Variants in WEE1 observed in about 807,000 individuals in gnomAD.
WEE1 encodes WEE1 G2 checkpoint kinase, also known as wee1-like protein kinase.
Under a neutral mutation model 68.8 loss-of-function variants are expected in WEE1, and 16 were observed. The ratio of observed to expected loss-of-function variants is 0.23; its 90% CI spans 0.16 to 0.35. The LOEUF (loss-of-function observed/expected upper bound fraction) is 0.35, where lower values mean the gene tolerates loss of function less well. Ranked by LOEUF, WEE1 falls within the 10% of genes least tolerant of loss-of-function variation. The pLI is 1.00. For missense variants in WEE1, 651 were observed against 824.1 expected (o/e 0.79, Z 2.57); for synonymous variants, 349 against 318.7 (o/e 1.09, Z -1.01).
At position 9,588,437 on chromosome 11, in the gene WEE1, T is replaced by A. The variant is rs1849726195; in HGVS notation, c.1788-12T>A. ...CCTAGGAATAATACCTTGTTTTCTA[T>A]TTTTATGTCAGAGAACTCAAGAAAG... On this transcript the variant is annotated splice_polypyrimidine_tract_variant and intron_variant, in intron 10 of 10. Transcript: ENST00000450114. 2 of 1,556,652 alleles carry A rather than the reference T, an allele frequency of 1.3e-6. No individual in the cohort carries two copies. The highest frequency in any genetic ancestry group is 2.5e-5 in the South Asian group (2 of 81,534).
In WEE1 at chr11:9,576,379, C is replaced by T. The variant is rs1441259976; in HGVS notation, c.846+86C>T. The stretch of plus-strand genomic sequence containing the variant: ...ATGAATATGTTAATAAGCATTAACA[C>T]ATAAGGTAGAATGGTTTTTAAATTT... On this transcript the variant is annotated intron_variant, in intron 3 of 10. Transcript: ENST00000450114. This position sits in a 1 kb window ranked among gnomAD's most constrained non-coding sequence, Gnocchi z 4.3. 4 of 1,543,068 alleles carry T rather than the reference C, an allele frequency of 2.6e-6. No homozygotes were observed. In the East Asian group the frequency reaches 9.3e-5, roughly 36 times the overall value.
rs1849538951 is a variant in WEE1 at position 9,574,283 on chromosome 11, A to G, written c.350A>G (p.Glu117Gly). 6 of 1,246,430 alleles carry G rather than the reference A, an allele frequency of 4.8e-6. No individual in the cohort carries two copies. The South Asian group carries it at 1.7e-4, about 34-fold the overall frequency. The allele number at this position is 1,246,430 out of a possible 1,614,324, so 77.2% of individuals were successfully genotyped here. Residue 117 changes from glutamate (E) to glycine (G), a missense_variant, in exon 1 of 11, where the codon GAG becomes GGG. By Grantham distance (98) the Glu-to-Gly change is moderately conservative. This residue lies in a region of WEE1 where 395 missense variants were observed against 378.4 expected (regional missense o/e 1.04). Coordinates refer to ENST00000450114, the MANE Select transcript of WEE1 (RefSeq NM_003390.4). The surrounding 1 kb of genome is among the most constrained non-coding windows in gnomAD (Gnocchi z 4.9). The part of the protein sequence containing the change: ...GGAEGDSWEE[E>G]GFGSSSPVKS... ...GCGGAGGGCGACTCGTGGGAGGAGG[A>G]GGGCTTCGGCTCCTCGTCGCCGGTC...
intron 5 of WEE1, 168 bp from the exon 6 acceptor site, chr11:9,581,364 A>T: frequency 1.7e-6 from 1 of 593,954 alleles, no homozygotes; most frequent in Non-Finnish European, 2.9e-6. Context: ...TGTATTACCT[A>T]TTGAAAAAAC....
Position 9,588,682 on chromosome 11 carries a change from AT to A in WEE1, c.*82del. Reference sequence around the variant, plus strand: ...AATCACTGATAGAATCCAGTTTGCAATTACTTTCTCGATTGGTGTCAGTAGT... The same window carrying A: ...AATCACTGATAGAATCCAGTTTGCAATACTTTCTCGATTGGTGTCAGTAGT... On this transcript the variant is annotated 3_prime_UTR_variant, in exon 11 of 11. Coordinates refer to ENST00000450114, the MANE Select transcript of WEE1 (RefSeq NM_003390.4). The A allele has an allele frequency of 7.1e-7, 1 of 1,403,672 alleles. No individual in the cohort carries two copies. Among genetic ancestry groups the A allele is most frequent in the Non-Finnish European group, 9.3e-7 (1 of 1,077,934 alleles). 87.0% of individuals were successfully genotyped at this position (1,403,672 alleles called of 1,614,324 possible). A position where few individuals can be genotyped will look rare whatever the true frequency, so the allele number is the denominator to read the frequency against.
intron 8 of WEE1, 59 bp downstream of exon 8, chr11:9,585,586 G>T: frequency 1.5e-6 from 2 of 1,311,520 alleles, no homozygotes; most frequent in Non-Finnish European, 2.1e-6. Flanking sequence ...GTTGATAGAA[G>T]AATATAAATT....
chr11:9,577,329 T>C (rs1849575124), intron 5 of WEE1, 66 bp downstream of exon 5: 4 of 1,553,856 alleles, frequency 2.6e-6, no homozygotes, highest in African/African-American at 1.4e-5. Flanking sequence ...TTTATGGTTA[T>C]CTAAAATCTT....
chr11:9,577,766 A>G, intron 5 of WEE1: 1 of 426,564 alleles, frequency 2.3e-6, no homozygotes, highest in Non-Finnish European at 4.6e-6. Context: ...CCTAGAATCC[A>G]CTAACGCTTT....
Position 9,574,367 on chromosome 11 carries a change from GC to G in WEE1, c.437del (p.Pro146GlnfsTer88). The G allele has an allele frequency of 2.4e-6, 3 of 1,233,434 alleles. No homozygotes were observed. The highest frequency in any genetic ancestry group is 2.0e-6 in the Non-Finnish European group (2 of 990,186). The allele number at this position is 1,233,434 out of a possible 1,614,324, so 76.4% of individuals were successfully genotyped here. A position where few individuals can be genotyped will look rare whatever the true frequency, so the allele number is the denominator to read the frequency against. On this transcript the variant is annotated frameshift_variant, in exon 1 of 11. Transcript: ENST00000450114. LOFTEE classifies it high-confidence loss of function. This position sits in a 1 kb window ranked among gnomAD's most constrained non-coding sequence, Gnocchi z 4.9. Reference protein sequence around the residue: ...GSSFSPVRCGGPGDASPRGCG... With the variant: ...GSSFSPVRCGXPGDASPRGCG... ...TCTTTCTCGCCGGTGCGCTGCGGCG[GC>G]CCAGGAGATGCGTCGCCGCGGGGTT...
chr11:9,574,537 C>T lies in WEE1; in HGVS notation c.576+28C>T, dbSNP rs879810474. The T allele has an allele frequency of 1.7e-6, 2 of 1,184,860 alleles. No individual in the cohort carries two copies. The highest frequency in any genetic ancestry group is 2.1e-6 in the Non-Finnish European group (2 of 963,658). 73.4% of individuals were successfully genotyped at this position (1,184,860 alleles called of 1,614,324 possible). On this transcript the variant is annotated intron_variant, in intron 1 of 10. Coordinates refer to ENST00000450114, the MANE Select transcript of WEE1 (RefSeq NM_003390.4). This position sits in a 1 kb window ranked among gnomAD's most constrained non-coding sequence, Gnocchi z 4.9. ...GAGAGCGGCGGGCGCGGGCACCCGG[C>T]GGCCGGGGCCGCGGCGCCGGAGGGG...
chr11:9,586,721 A>G lies in WEE1; in HGVS notation c.1652A>G (p.His551Arg). ...EFTELLKVMI[H>R]PDPERRPSAM... ...ACTTTTCTTTTTAAGGTTATGATTCATCCAGATCCAGAGAGAAGACCTTCA... is the reference window on the plus strand; with the variant it reads ...ACTTTTCTTTTTAAGGTTATGATTCGTCCAGATCCAGAGAGAAGACCTTCA... Residue 551 changes from histidine to arginine, a missense_variant, in exon 10 of 11, where the codon CAT (histidine) becomes CGT (arginine). Around this residue, in one of 5 missense-constraint regions of WEE1, gnomAD observed 115 missense variants for 142.7 expected, o/e 0.81. Transcript: ENST00000450114. 7 of 1,613,574 alleles carry G rather than the reference A, an allele frequency of 4.3e-6. No homozygotes were observed. The highest frequency in any genetic ancestry group is 5.9e-6 in the Non-Finnish European group (7 of 1,179,906).
intron 5 of WEE1, chr11:9,577,716 T>C: frequency 3.1e-6 from 1 of 327,358 alleles, no homozygotes; most frequent in Non-Finnish European, 6.0e-6. Flanking sequence ...TTAAGCATTC[T>C]GTAGTCCGGC....
In WEE1 at chr11:9,583,848, C is replaced by CT. The variant is rs1189544274; in HGVS notation, c.1289-1400dup. On this transcript the variant is annotated intron_variant, in intron 6 of 10. Transcript: ENST00000450114. Reference sequence around the variant, plus strand: ...ATATATATATATATATATATATATACTTTTTTTTTTCTTTTGAGACAGGGT... The same window carrying CT: ...ATATATATATATATATATATATATACTTTTTTTTTTTCTTTTGAGACAGGGT... Among the ~76,000 whole-genome samples the CT allele has an allele frequency of 2.4e-4, 11 of 45,030 alleles. No individual in the cohort carries two copies. The South Asian group carries it at 2.6e-3, about 11-fold the overall frequency. 29.5% of individuals were successfully genotyped at this position (45,030 alleles called of 152,430 possible).
In WEE1 at chr11:9,576,531, A is replaced by G. The variant is rs1161865328; in HGVS notation, c.891A>G (p.Thr297=). ...GCAATATGAAGTCCCGGTATACAACAGAATTTCATGAGCTAGAGAAAATCG... is the reference window on the plus strand; with the variant it reads ...GCAATATGAAGTCCCGGTATACAACGGAATTTCATGAGCTAGAGAAAATCG... ...TESNMKSRYT[T]EFHELEKIGS... Residue 297 remains threonine (T), a synonymous_variant, in exon 4 of 11, where the codon ACA becomes ACG. Transcript: ENST00000450114. This position sits in a 1 kb window ranked among gnomAD's most constrained non-coding sequence, Gnocchi z 4.3. 1 of 1,614,028 alleles carries G rather than the reference A, an allele frequency of 6.2e-7. No homozygotes were observed. The highest frequency in any genetic ancestry group is 1.7e-5 in the Admixed American group (1 of 60,024).
intron 6 of WEE1, among the ~76,000 whole-genome samples, chr11:9,583,823 A>T (rs1849668904): frequency 5.2e-5 from 2 of 38,374 alleles, no homozygotes; most frequent in Non-Finnish European, 1.2e-4. Context: ...ATATATATAT[A>T]TATATATATA....
At position 9,583,880 on chromosome 11, in the gene WEE1, C is replaced by T. The variant is rs183844998; in HGVS notation, c.1289-1378C>T. ...TTTTCTTTTGAGACAGGGTCTTGCT[C>T]TGTTGCCCAGGCTGGAGTGCAGTAG... On this transcript the variant is annotated intron_variant, in intron 6 of 10. Transcript: ENST00000450114. 1.6e-3 allele frequency among the ~76,000 whole-genome samples: 223 copies of T among 137,976 alleles called. 3 individuals are homozygous for T. Among genetic ancestry groups the T allele is most frequent in the African/African-American group, 5.5e-3 (203 of 36,878 alleles). The allele number at this position is 137,976 out of a possible 152,430, so 90.5% of individuals were successfully genotyped here.
chr11:9,582,395 A>G (rs1205210990), intron 6 of WEE1, among the ~76,000 whole-genome samples: 2 of 152,210 alleles, frequency 1.3e-5, no homozygotes, highest in Non-Finnish European at 2.9e-5. Context: ...GGAAGTTATA[A>G]CTAAGGATTA....
chr11:9,575,166 C>G, intron 1 of WEE1: 1 of 985,532 alleles, frequency 1.0e-6, no homozygotes, highest in Non-Finnish European at 1.2e-6. Flanking sequence ...TTGCGGTGCC[C>G]AGAGTTTGGC....
chr11:9,586,700 T>A lies in WEE1; in HGVS notation c.1642-11T>A, dbSNP rs753319930. 6.2e-7 allele frequency: 1 copy of A among 1,611,188 alleles called. No homozygotes were observed. Among genetic ancestry groups the A allele is most frequent in the African/African-American group, 1.3e-5 (1 of 74,728 alleles). Reference sequence around the variant, plus strand: ...GCATGTCTTTACCTTCATTTTACTTTTCTTTTTAAGGTTATGATTCATCCA... The same window carrying A: ...GCATGTCTTTACCTTCATTTTACTTATCTTTTTAAGGTTATGATTCATCCA... On this transcript the variant is annotated splice_polypyrimidine_tract_variant and intron_variant, in intron 9 of 10. Coordinates refer to ENST00000450114, the MANE Select transcript of WEE1 (RefSeq NM_003390.4).
At chr11:9,577,393 A>G (rs1849575855) in intron 5 of WEE1, 130 bp downstream of exon 5, 1 of 1,209,596 alleles carries the variant, frequency 8.3e-7, no homozygotes, top group Non-Finnish European at 1.1e-6. Flanking sequence ...GAGACCTAAC[A>G]TAAATTTCAA....
Sources: gnomAD v4.1 joint callset for allele counts (sites outside exome capture counted in the v4.1 genomes callset) on GRCh38, gnomAD v4.1.1 for gene constraint, gnomAD v4.1.1 regional missense constraint, Gnocchi (gnomAD v3.1) non-coding constraint, MANE v1.5 for transcripts, NCBI Gene and HGNC (gene_info 2026-07-23, HGNC 2026-07-21) for gene names.